SPATS2L: variants seen among roughly 807,000 people sequenced by gnomAD.
The protein encoded by SPATS2L is SPATS2-like protein.
Under a neutral mutation model 59.6 loss-of-function variants are expected in SPATS2L, and 30 were observed. The ratio of observed to expected loss-of-function variants is 0.50; its 90% CI spans 0.38 to 0.68. The LOEUF (loss-of-function observed/expected upper bound fraction) is 0.68, where lower values mean the gene tolerates loss of function less well. Ranked by LOEUF, SPATS2L falls within the 30% of genes least tolerant of loss-of-function variation. SPATS2L has a pLI of 0.00. For missense variants in SPATS2L, 615 were observed against 700.0 expected (o/e 0.88, Z 1.37); for synonymous variants, 252 against 263.5 (o/e 0.96, Z 0.42).
At chr2:200,341,442 A>G (rs755521585) in intron 2 of SPATS2L, among the ~76,000 whole-genome samples, 13 of 152,180 alleles carry the variant, frequency 8.5e-5, no homozygotes, top group Non-Finnish European at 1.3e-4. Flanking sequence ...GAGAGGATGC[A>G]CTTAATTGTG....
intron 2 of SPATS2L, among the ~76,000 whole-genome samples, chr2:200,370,131 A>G (rs1255630026): frequency 6.6e-6 from 1 of 152,232 alleles, no homozygotes; most frequent in Admixed American, 6.5e-5. Context: ...AGAATGGCAA[A>G]GAATGGAGAA....
intron 2 of SPATS2L, among the ~76,000 whole-genome samples, chr2:200,369,649 T>TA (rs1011197135): frequency 7.2e-5 from 11 of 151,876 alleles, no homozygotes; most frequent in East Asian, 3.9e-4. Context: ...GTATAATATA[T>TA]AAAAAAATCC....
At chr2:200,373,679 A>G (rs560426454) in intron 2 of SPATS2L, among the ~76,000 whole-genome samples, 11 of 152,344 alleles carry the variant, frequency 7.2e-5, no homozygotes, top group African/African-American at 2.6e-4. Flanking sequence ...AATCTTAAAT[A>G]TAATTTATGA....
At chr2:200,413,335 T>C (rs2082949956) in intron 4 of SPATS2L, among the ~76,000 whole-genome samples, 1 of 152,244 alleles carries the variant, frequency 6.6e-6, no homozygotes, top group Non-Finnish European at 1.5e-5. Context: ...TTAAAAATTT[T>C]GTTGTTTAGG....
intron 8 of SPATS2L, among the ~76,000 whole-genome samples, chr2:200,458,423 A>G (rs2086004096): frequency 6.6e-6 from 1 of 152,166 alleles, no homozygotes; most frequent in South Asian, 2.1e-4. Flanking sequence ...CACACACATA[A>G]TGACACAATA....
intron 1 of SPATS2L, among the ~76,000 whole-genome samples, chr2:200,323,990 G>T (rs929585213): frequency 6.6e-6 from 1 of 152,146 alleles, no homozygotes; most frequent in Non-Finnish European, 1.5e-5. Flanking sequence ...GGTCTCTCTT[G>T]GTTCTTCCCC....
intron 2 of SPATS2L, among the ~76,000 whole-genome samples, chr2:200,347,428 G>A (rs570826338): frequency 1.3e-5 from 2 of 152,228 alleles, no homozygotes; most frequent in South Asian, 4.2e-4. Context: ...GTCACAGGAT[G>A]GTCAAGTCAG....
At chr2:200,418,212 T>C (rs1449772024) in intron 5 of SPATS2L, among the ~76,000 whole-genome samples, 1 of 152,152 alleles carries the variant, frequency 6.6e-6, no homozygotes, top group East Asian at 1.9e-4. Flanking sequence ...AGGGGCTTTC[T>C]CACCGGAAAA....
intron 9 of SPATS2L, 54 bp from the exon 10 acceptor site, chr2:200,467,236 A>T: frequency 8.4e-7 from 1 of 1,189,280 alleles, no homozygotes; most frequent in Non-Finnish European, 1.3e-6. Flanking sequence ...AAATTAGGTT[A>T]TTTAATATGT....
At chr2:200,333,250 C>T (rs539567157) in intron 2 of SPATS2L, among the ~76,000 whole-genome samples, 2 of 151,364 alleles carry the variant, frequency 1.3e-5, no homozygotes, top group East Asian at 3.9e-4. Context: ...CACACTACTG[C>T]ACTCCAGCCT....
At chr2:200,408,321 G>T (rs557234815) in intron 3 of SPATS2L, among the ~76,000 whole-genome samples, 28 of 152,306 alleles carry the variant, frequency 1.8e-4, no homozygotes, top group African/African-American at 6.7e-4. Context: ...TGAATGCCAG[G>T]TTGCAGATAA....
At chr2:200,378,421 G>A in intron 2 of SPATS2L, 3 of 1,001,070 alleles carry the variant, frequency 3.0e-6, no homozygotes, top group Non-Finnish European at 3.6e-6. Flanking sequence ...ACAGTAATGG[G>A]GTGGGAAAGG....
chr2:200,473,072 G>A lies in SPATS2L; in HGVS notation c.1281+20G>A. On this transcript the variant is annotated intron_variant, in intron 12 of 12. Coordinates refer to ENST00000409140, the MANE Select transcript of SPATS2L (RefSeq NM_001100423.2). The stretch of plus-strand genomic sequence containing the variant: ...AAGCAGGTAAGCCGACACTGGTGCA[G>A]GGTGCCAGAGGAAAAAAAAAAAAAA... The A allele has an allele frequency of 1.3e-6, 2 of 1,549,276 alleles. No homozygotes were observed. Among genetic ancestry groups the A allele is most frequent in the Non-Finnish European group, 1.7e-6 (2 of 1,153,520 alleles).
rs1226584324 is a variant in SPATS2L, at chr2:200,467,412, A to G, written c.957+13A>G. On this transcript the variant is annotated intron_variant, in intron 10 of 12. Transcript: ENST00000409140. ...GGCAGAAATTAAGGTCAGTTCTAAAATATCACAGCCTGAACCCTGAGCCAG... is the reference window on the plus strand; with the variant it reads ...GGCAGAAATTAAGGTCAGTTCTAAAGTATCACAGCCTGAACCCTGAGCCAG... The G allele has an allele frequency of 6.3e-7, 1 of 1,580,848 alleles. No homozygotes were observed. Among genetic ancestry groups the G allele is most frequent in the Non-Finnish European group, 8.7e-7 (1 of 1,149,826 alleles).
chr2:200,418,707 A>G (rs1466968418), intron 5 of SPATS2L, among the ~76,000 whole-genome samples: 2 of 152,094 alleles, frequency 1.3e-5, no homozygotes, highest in African/African-American at 2.4e-5. Context: ...ACTGGTTTCT[A>G]TTTCAGAGAC....
At chr2:200,382,815 G>A in intron 2 of SPATS2L, among the ~76,000 whole-genome samples, 1 of 152,142 alleles carries the variant, frequency 6.6e-6, no homozygotes, top group East Asian at 1.9e-4. Flanking sequence ...AGAGTGTCTG[G>A]TACGTTATAA....
intron 2 of SPATS2L, among the ~76,000 whole-genome samples, chr2:200,386,072 T>TA (rs534658721): frequency 6.6e-4 from 100 of 152,314 alleles, no homozygotes; most frequent in Middle Eastern, 6.8e-3. Context: ...TTGCCTCTGT[T>TA]ATGCACCAGC....
chr2:200,341,249 G>GGGCAGGGCCTGGATTTGAACCTA (rs2080314907), intron 2 of SPATS2L, among the ~76,000 whole-genome samples: 1 of 152,130 alleles, frequency 6.6e-6, no homozygotes, highest in Non-Finnish European at 1.5e-5. Context: ...GATTAACCCT[G>GGGCAGGGCCTGGATTTGAACCTA]GGCAGGGCCT....
At chr2:200,364,521 A>C (rs2081207976) in intron 2 of SPATS2L, among the ~76,000 whole-genome samples, 1 of 152,204 alleles carries the variant, frequency 6.6e-6, no homozygotes, top group African/African-American at 2.4e-5. Context: ...CAAGTCTTAT[A>C]GTGGCCCAGT....
Sources: allele counts gnomAD v4.1 joint callset (sites outside exome capture counted in the v4.1 genomes callset), GRCh38; gene constraint gnomAD v4.1.1; transcripts MANE v1.5; gene names NCBI Gene and HGNC (gene_info 2026-07-23, HGNC 2026-07-21).